Variants in TSHR observed in about 807,000 individuals in gnomAD.
TSHR encodes thyroid stimulating hormone receptor, also known as thyrotropin receptor.
A neutral mutation model predicts 64.1 loss-of-function variants in TSHR; 51 were observed. The ratio of observed to expected loss-of-function variants is 0.80; its 90% CI spans 0.64 to 1.01. The LOEUF (loss-of-function observed/expected upper bound fraction) is 1.01. Ranked by LOEUF, TSHR falls within the 50% of genes least tolerant of loss-of-function variation. The pLI is 0.00. For synonymous variants in TSHR, 361 were observed against 361.9 expected (o/e 1.00, Z 0.03); for missense variants, 877 against 942.8 (o/e 0.93, Z 0.91).
chr14:81,059,495 A>G, intron 1 of TSHR, among the ~76,000 whole-genome samples: 1 of 152,188 alleles, frequency 6.6e-6, no homozygotes. Flanking sequence ...TTGCAATTGA[A>G]TTTGGCAATC....
chr14:81,024,858 C>T (rs1050433603), intron 1 of TSHR, among the ~76,000 whole-genome samples: 6 of 152,040 alleles, frequency 3.9e-5, no homozygotes, highest in Non-Finnish European at 8.8e-5. Context: ...GTATAGATCC[C>T]ATGGTGTTAT....
chr14:81,109,807 A>G (rs1486572326), intron 8 of TSHR, among the ~76,000 whole-genome samples: 21 of 20,660 alleles, frequency 1.0e-3, no homozygotes, highest in Admixed American at 8.6e-3. Flanking sequence ...CGTGGGGGTT[A>G]CTGTTAATTC....
At chr14:81,128,244 A>T (rs1891096242) in intron 8 of TSHR, among the ~76,000 whole-genome samples, 1 of 152,174 alleles carries the variant, frequency 6.6e-6, no homozygotes, top group Non-Finnish European at 1.5e-5. Flanking sequence ...TTCTTTACAG[A>T]TAGTCTATCA....
Position 81,062,183 on chromosome 14 carries a change from G to A in TSHR, c.206G>A (p.Ser69Asn), listed in dbSNP as rs775342021. ...LIETHLRTIPSHAFSNLPNIS... is the reference protein window; with the variant it reads ...LIETHLRTIPNHAFSNLPNIS... ...GAGACTCACCTGAGAACTATTCCAAGTCATGCATTTTCTAATCTGCCCAAT... is the reference window on the plus strand; with the variant it reads ...GAGACTCACCTGAGAACTATTCCAAATCATGCATTTTCTAATCTGCCCAAT... The change falls in exon 2 of 10, where the codon AGT becomes AAT. Residue 69 changes from serine (S) to asparagine (N), a missense_variant. By Grantham distance (46) the Ser-to-Asn change is conservative. Transcript: ENST00000298171. The A allele has an allele frequency of 1.2e-6, 2 of 1,611,690 alleles. No individual in the cohort carries two copies. The highest frequency in any genetic ancestry group is 2.7e-5 in the African/African-American group (2 of 74,794).
intron 3 of TSHR, among the ~76,000 whole-genome samples, chr14:81,086,597 C>G (rs947881364): frequency 1.1e-4 from 17 of 152,106 alleles, no homozygotes; most frequent in African/African-American, 3.9e-4. Context: ...TCACAAAAGC[C>G]CCACAAAAGA....
At chr14:80,968,391 T>A (rs1887426125) in intron 1 of TSHR, among the ~76,000 whole-genome samples, 1 of 151,380 alleles carries the variant, frequency 6.6e-6, no homozygotes, top group Non-Finnish European at 1.5e-5. Flanking sequence ...TTTTTTTTTT[T>A]ATTCTTACAA....
At chr14:81,135,391 T>C (rs181980150) in intron 8 of TSHR, among the ~76,000 whole-genome samples, 1 of 152,348 alleles carries the variant, frequency 6.6e-6, no homozygotes, top group Admixed American at 6.5e-5. Context: ...CCTAAGTCTT[T>C]CCTAATGTCC....
At chr14:81,090,701 G>A (rs189756766) in intron 4 of TSHR, among the ~76,000 whole-genome samples, 6 of 152,082 alleles carry the variant, frequency 3.9e-5, no homozygotes, top group African/African-American at 1.4e-4. Flanking sequence ...CTTCTTCTTA[G>A]CCCTTCACTA....
intron 1 of TSHR, among the ~76,000 whole-genome samples, chr14:81,048,022 T>A (rs1481505938): frequency 6.6e-6 from 1 of 152,180 alleles, no homozygotes; most frequent in South Asian, 2.1e-4. Context: ...TAAGACCCCA[T>A]ATATTATAAT....
At chr14:81,108,588 G>C in intron 8 of TSHR, 136 bp downstream of exon 8, 1 of 1,612,614 alleles carries the variant, frequency 6.2e-7, no homozygotes, top group Non-Finnish European at 8.5e-7. Flanking sequence ...GCTTCTGCAA[G>C]TCCCTCTTTT....
chr14:80,997,094 G>A (rs560837635), intron 1 of TSHR, among the ~76,000 whole-genome samples: 1 of 152,050 alleles, frequency 6.6e-6, no homozygotes, highest in Non-Finnish European at 1.5e-5. Context: ...AGCCCTAAGA[G>A]GCAGATTTTA....
At chr14:81,142,100 CAG>C (rs1259229835) in intron 9 of TSHR, among the ~76,000 whole-genome samples, 1 of 152,038 alleles carries the variant, frequency 6.6e-6, no homozygotes, top group Non-Finnish European at 1.5e-5. Context: ...TTTTTTTAAA[CAG>C]AGTCTCACTC....
intron 8 of TSHR, among the ~76,000 whole-genome samples, chr14:81,126,554 AT>A (rs1891028270): frequency 6.6e-6 from 1 of 152,212 alleles, no homozygotes; most frequent in African/African-American, 2.4e-5. Context: ...AAAGTTACTT[AT>A]TTAAGTAAGG....
At chr14:81,099,269 C>CA (rs1889417991) in intron 7 of TSHR, 1 of 147,222 alleles carries the variant, frequency 6.8e-6, no homozygotes, top group East Asian at 2.0e-4. Flanking sequence ...GAACACATGG[C>CA]TTTTTTTTTT....
intron 1 of TSHR, among the ~76,000 whole-genome samples, chr14:81,057,176 C>A (rs1885871804): frequency 6.6e-6 from 1 of 152,058 alleles, no homozygotes; most frequent in Non-Finnish European, 1.5e-5. Context: ...TTTGGGAGGC[C>A]AAGGCAGGTG....
At chr14:80,966,542 C>T (rs1447765814) in intron 1 of TSHR, among the ~76,000 whole-genome samples, 4 of 150,578 alleles carry the variant, frequency 2.7e-5, no homozygotes, top group East Asian at 1.9e-4. Context: ...ATATAATAAA[C>T]GACCTCATTG....
chr14:81,100,736 C>A (rs2300534), intron 7 of TSHR, among the ~76,000 whole-genome samples: 49,486 of 152,202 alleles, frequency 0.33, 12,433 homozygotes, highest in African/African-American at 0.71. Flanking sequence ...AGCTGTGTGG[C>A]AAAGATGCAT....
At chr14:80,972,119 A>G (rs1322529589) in intron 1 of TSHR, among the ~76,000 whole-genome samples, 1 of 152,166 alleles carries the variant, frequency 6.6e-6, no homozygotes, top group Non-Finnish European at 1.5e-5. Context: ...ATTACAAAAC[A>G]CCTAGTTCTT....
chr14:80,960,380 G>C (rs1280656068), intron 1 of TSHR, among the ~76,000 whole-genome samples: 1 of 152,182 alleles, frequency 6.6e-6, no homozygotes, highest in Non-Finnish European at 1.5e-5. Flanking sequence ...ACACCCACGT[G>C]CTCCCCAAAC....
Sources: gnomAD v4.1 joint callset for allele counts (sites outside exome capture counted in the v4.1 genomes callset) on GRCh38, gnomAD v4.1.1 for gene constraint, MANE v1.5 for transcripts, NCBI Gene and HGNC (gene_info 2026-07-23, HGNC 2026-07-21) for gene names.